KCNT2: variants seen among roughly 807,000 people sequenced by gnomAD.
KCNT2 encodes the protein potassium channel subfamily T member 2.
Under a neutral mutation model 153.8 loss-of-function variants are expected in KCNT2, and 67 were observed. The ratio of observed to expected loss-of-function variants is 0.44; its 90% CI spans 0.36 to 0.53. The LOEUF (loss-of-function observed/expected upper bound fraction) is 0.53. Among genes scored for constraint, KCNT2 ranks in the 20% least tolerant of loss-of-function variants. KCNT2 has a pLI of 0.00. For missense variants in KCNT2, 975 were observed against 1,354.8 expected (o/e 0.72, Z 4.40); for synonymous variants, 500 against 458.8 (o/e 1.09, Z -1.15).
At chr1:196,582,598 T>C (rs1662199884) in intron 1 of KCNT2, 1 of 154,222 alleles carries the variant, frequency 6.5e-6, no homozygotes, top group African/African-American at 2.4e-5. Flanking sequence ...TAAGGTCAAG[T>C]TCCCAATTTC....
chr1:196,518,088 G>T (rs1004028725), intron 1 of KCNT2, among the ~76,000 whole-genome samples: 1 of 152,084 alleles, frequency 6.6e-6, no homozygotes, highest in Non-Finnish European at 1.5e-5. Context: ...CTACTAACCA[G>T]CAGGCATTGG....
intron 8 of KCNT2, among the ~76,000 whole-genome samples, chr1:196,433,958 T>C (rs139387911): frequency 3.4e-4 from 51 of 152,046 alleles, no homozygotes; most frequent in African/African-American, 2.4e-5. Flanking sequence ...TGTGTTTATT[T>C]GCTTTTTTCC....
At chr1:196,605,597 T>C (rs1400173834) in intron 1 of KCNT2, among the ~76,000 whole-genome samples, 1 of 152,172 alleles carries the variant, frequency 6.6e-6, no homozygotes, top group Non-Finnish European at 1.5e-5. Flanking sequence ...GTATCTGTTG[T>C]TGGAAATGAT....
chr1:196,327,018 A>G, intron 18 of KCNT2, 129 bp from the exon 19 acceptor site: 3 of 585,008 alleles, frequency 5.1e-6, no homozygotes, highest in Non-Finnish European at 5.8e-6. Flanking sequence ...TAAATTTGAA[A>G]ATAGTTACAT....
intron 13 of KCNT2, among the ~76,000 whole-genome samples, chr1:196,378,901 C>T (rs2148357200): frequency 2.0e-5 from 3 of 149,484 alleles, no homozygotes; most frequent in Middle Eastern, 3.5e-3. Context: ...ACTACCTCCC[C>T]CAGTATTCAT....
At chr1:196,541,664 C>G (rs1406184129) in intron 1 of KCNT2, among the ~76,000 whole-genome samples, 1 of 152,172 alleles carries the variant, frequency 6.6e-6, no homozygotes, top group East Asian at 1.9e-4. Context: ...GATCTTTTTT[C>G]TAACAAGCAG....
intron 1 of KCNT2, among the ~76,000 whole-genome samples, chr1:196,536,778 G>A (rs1355106615): frequency 6.6e-6 from 1 of 152,134 alleles, no homozygotes; most frequent in Non-Finnish European, 1.5e-5. Context: ...TCACTAACCT[G>A]AAGGGCAGCA....
rs761451169 is a variant in KCNT2, at chr1:196,228,211, C to T, written c.*13G>A. On this transcript the variant is annotated 3_prime_UTR_variant, in exon 28 of 28. Coordinates refer to ENST00000294725, the MANE Select transcript of KCNT2 (RefSeq NM_198503.5). ...AGGTCTTTGTAGGAAAAAAGTTTCT[C>T]ATTTTATTTTTATCAAAGTTGAGTT... 72 of 1,545,284 alleles carry T rather than the reference C, an allele frequency of 4.7e-5. No homozygotes were observed. Among genetic ancestry groups the T allele is most frequent in the East Asian group, 9.0e-5 (4 of 44,298 alleles).
intron 19 of KCNT2, among the ~76,000 whole-genome samples, chr1:196,323,660 T>G (rs1663554589): frequency 6.6e-6 from 1 of 152,080 alleles, no homozygotes; most frequent in Middle Eastern, 3.4e-3. Context: ...TAAATTTAAT[T>G]TACATTTTAA....
chr1:196,317,464 G>C (rs1203429716), intron 20 of KCNT2, among the ~76,000 whole-genome samples: 1 of 151,606 alleles, frequency 6.6e-6, no homozygotes, highest in Non-Finnish European at 1.5e-5. Flanking sequence ...GATGGAAAAT[G>C]AATGTGTTAT....
At chr1:196,466,278 C>A (rs1677608051) in intron 7 of KCNT2, among the ~76,000 whole-genome samples, 1 of 151,812 alleles carries the variant, frequency 6.6e-6, no homozygotes, top group Admixed American at 6.6e-5. Flanking sequence ...TTTAGGCAAT[C>A]TATATTTAGT....
chr1:196,456,519 G>T (rs2148636700), intron 8 of KCNT2, among the ~76,000 whole-genome samples: 1 of 151,980 alleles, frequency 6.6e-6, no homozygotes, highest in South Asian at 2.1e-4. Context: ...ACTGCTTCCA[G>T]ATTTTGTCTT....
At chr1:196,564,822 C>A (rs1159725259) in intron 1 of KCNT2, among the ~76,000 whole-genome samples, 1 of 151,660 alleles carries the variant, frequency 6.6e-6, no homozygotes, top group Non-Finnish European at 1.5e-5. Flanking sequence ...ACACAAAATT[C>A]AACACAGATT....
At chr1:196,341,778 T>C (rs929070274) in intron 15 of KCNT2, among the ~76,000 whole-genome samples, 1 of 152,022 alleles carries the variant, frequency 6.6e-6, no homozygotes, top group Non-Finnish European at 1.5e-5. Context: ...CATCTTAAAA[T>C]TCAGATCTGT....
At chr1:196,257,846 A>C in intron 26 of KCNT2, 1 of 984,966 alleles carries the variant, frequency 1.0e-6, no homozygotes, top group Non-Finnish European at 1.2e-6. Context: ...ATTTTATCTC[A>C]GGCACTAGAA....
Position 196,490,954 on chromosome 1 carries a change from A to T in KCNT2, c.176-1017T>A, listed in dbSNP as rs574719407. On this transcript the variant is annotated intron_variant, in intron 2 of 27. Coordinates refer to ENST00000294725, the MANE Select transcript of KCNT2 (RefSeq NM_198503.5). ...ACTTGTGGTAACAGTTCTTACCAGT[A>T]AAAAGGTCGATGCTTATCATTTGTG... Among the ~76,000 whole-genome samples, 6 of 152,118 alleles carry T rather than the reference A, an allele frequency of 3.9e-5. No individual in the cohort carries two copies. The South Asian group carries it at 1.2e-3, about 32-fold the overall frequency.
At chr1:196,464,480 T>C (rs568390705) in intron 8 of KCNT2, among the ~76,000 whole-genome samples, 1 of 152,010 alleles carries the variant, frequency 6.6e-6, no homozygotes, top group East Asian at 1.9e-4. Flanking sequence ...TGTATAGCCA[T>C]ATTTATACCT....
intron 1 of KCNT2, among the ~76,000 whole-genome samples, chr1:196,497,167 T>A (rs1384072672): frequency 6.6e-6 from 1 of 152,154 alleles, no homozygotes; most frequent in Non-Finnish European, 1.5e-5. Flanking sequence ...AAGTTCCACA[T>A]CTATGTATTC....
chr1:196,435,141 A>G (rs865788855), intron 8 of KCNT2, among the ~76,000 whole-genome samples: 288 of 68,406 alleles, frequency 4.2e-3, no homozygotes, highest in Admixed American at 7.0e-3. Flanking sequence ...GTGTGTATGT[A>G]TATATATATA....
Sources: allele counts gnomAD v4.1 joint callset (sites outside exome capture counted in the v4.1 genomes callset), GRCh38; gene constraint gnomAD v4.1.1; transcripts MANE v1.5; gene names NCBI Gene and HGNC (gene_info 2026-07-23, HGNC 2026-07-21).